Variants in ASAP2 observed in about 807,000 individuals in gnomAD.
ASAP2 encodes the protein arf-GAP with SH3 domain, ANK repeat and PH domain-containing protein 2.
Under a neutral mutation model 131.4 loss-of-function variants are expected in ASAP2, and 45 were observed. The ratio of observed to expected loss-of-function variants is 0.34; its 90% CI spans 0.27 to 0.44. ASAP2 has a LOEUF of 0.44. Among genes scored for constraint, ASAP2 ranks in the 20% least tolerant of loss-of-function variants. The probability of loss-of-function intolerance (pLI) is 1.00; values close to 1 mark genes in which losing one functional copy is unlikely to be tolerated. For synonymous variants in ASAP2, 510 were observed against 503.0 expected, an observed-to-expected ratio of 1.01 and a Z score of -0.19; for missense variants, 1,011 against 1,297.0, an observed-to-expected ratio of 0.78 and a Z score of 3.39.
intron 22 of ASAP2, among the ~76,000 whole-genome samples, chr2:9,390,567 G>T (rs1383302433): frequency 1.3e-5 from 2 of 152,228 alleles, no homozygotes; most frequent in African/African-American, 4.8e-5. Flanking sequence ...GTTTGCGGGA[G>T]GGAGGGAGAG....
At chr2:9,293,953 G>T (rs547447733) in intron 2 of ASAP2, among the ~76,000 whole-genome samples, 2 of 151,940 alleles carry the variant, frequency 1.3e-5, no homozygotes, top group African/African-American at 4.8e-5. Context: ...CCTTGGGGTT[G>T]CTGGGGATCA....
intron 1 of ASAP2, among the ~76,000 whole-genome samples, chr2:9,228,441 C>T (rs1208649111): frequency 6.6e-6 from 1 of 152,066 alleles, no homozygotes; most frequent in Non-Finnish European, 1.5e-5. Flanking sequence ...CCTGTTTTTT[C>T]GCATTCCTTT....
chr2:9,240,288 C>G (rs1663870568), intron 1 of ASAP2, among the ~76,000 whole-genome samples: 1 of 142,532 alleles, frequency 7.0e-6, no homozygotes, highest in Non-Finnish European at 1.5e-5. Flanking sequence ...GGGTCTCACT[C>G]TGTCACCCAG....
At position 9,323,259 on chromosome 2, in the gene ASAP2, G is replaced by T; in HGVS notation, c.600+9G>T. 6.2e-7 allele frequency: 1 copy of T among 1,614,092 alleles called. No homozygotes were observed. Among genetic ancestry groups the T allele is most frequent in the Non-Finnish European group, 8.5e-7 (1 of 1,179,964 alleles). On this transcript the variant is annotated intron_variant, in intron 6 of 27. Coordinates refer to ENST00000281419, the MANE Select transcript of ASAP2 (RefSeq NM_003887.3). ...AGCTACAGATGTGCGAGGTAAGGCG[G>T]TGGTGAAGGCAGGTCCTACAGCCCA...
At chr2:9,365,911 G>C (rs1401287915) in intron 15 of ASAP2, among the ~76,000 whole-genome samples, 1 of 152,042 alleles carries the variant, frequency 6.6e-6, no homozygotes, top group African/African-American at 2.4e-5. Context: ...GCTACCCTGG[G>C]TGATACAGAA....
At position 9,281,606 on chromosome 2, in the gene ASAP2, C is replaced by T. The variant is rs1234174098; in HGVS notation, c.199+2217C>T. ...AAACTCTATAGCATTTTTTCATCAC[C>T]CTCTTTGAAGTTCGTGGAAGTCAGT... is the stretch of plus-strand genomic sequence containing the variant. On this transcript the variant is annotated intron_variant, in intron 2 of 27. Transcript: ENST00000281419. The surrounding 1 kb of genome is among the most constrained non-coding windows in gnomAD (Gnocchi z 4.0). Among the ~76,000 whole-genome samples the T allele has an allele frequency of 6.6e-6, 1 of 152,102 alleles. No homozygotes were observed. Among genetic ancestry groups the T allele is most frequent in the East Asian group, 1.9e-4 (1 of 5,196 alleles).
rs2148009370 is a variant in ASAP2 at position 9,227,369 on chromosome 2, T to TC, written c.126+20140dup. 1.3e-5 allele frequency among the ~76,000 whole-genome samples: 2 copies of TC among 152,210 alleles called. 1 individual carries two copies. The highest frequency in any genetic ancestry group is 1.3e-4 in the Admixed American group (2 of 15,282). ...CAGTGTCGTTCAGCAGTGAGCCTCC[T>TC]CTAAAGCAAGTTCACCATTTACACG... On this transcript the variant is annotated intron_variant, in intron 1 of 27. Coordinates refer to ENST00000281419, the MANE Select transcript of ASAP2 (RefSeq NM_003887.3).
chr2:9,243,437 G>T (rs897389746), intron 1 of ASAP2, among the ~76,000 whole-genome samples: 7 of 152,090 alleles, frequency 4.6e-5, no homozygotes, highest in Admixed American at 2.0e-4. Context: ...GTGCATTTTT[G>T]TCCATAGATT....
At chr2:9,222,629 G>A (rs372652227) in intron 1 of ASAP2, among the ~76,000 whole-genome samples, 1 of 152,194 alleles carries the variant, frequency 6.6e-6, no homozygotes, top group Non-Finnish European at 1.5e-5. Context: ...GGAATGAGGT[G>A]TGTTTACTAC....
intron 7 of ASAP2, among the ~76,000 whole-genome samples, chr2:9,333,227 C>T (rs1670956833): frequency 6.6e-6 from 1 of 152,234 alleles, no homozygotes; most frequent in Non-Finnish European, 1.5e-5. Context: ...AAGTTGGTGA[C>T]AGTCCATCCT....
intron 1 of ASAP2, among the ~76,000 whole-genome samples, chr2:9,213,173 G>C (rs1261436750): frequency 6.6e-6 from 1 of 152,228 alleles, no homozygotes; most frequent in Non-Finnish European, 1.5e-5. Flanking sequence ...ATCAGGAAAA[G>C]CCTCTCTGCA....
intron 15 of ASAP2, among the ~76,000 whole-genome samples, chr2:9,367,727 A>G (rs1673589320): frequency 1.3e-5 from 2 of 152,240 alleles, no homozygotes; most frequent in Non-Finnish European, 2.9e-5. Context: ...ATGCCACTGC[A>G]CTTCGGCCTG....
chr2:9,338,754 G>A (rs949570994), intron 9 of ASAP2, among the ~76,000 whole-genome samples: 8 of 152,324 alleles, frequency 5.3e-5, no homozygotes, highest in Admixed American at 6.5e-5. Flanking sequence ...CAATTGGGGT[G>A]CAGTGTAATG....
rs1381170677 is a variant in ASAP2, at chr2:9,403,230, AC to A, written c.2947-21del. The A allele has an allele frequency of 2.5e-6, 4 of 1,609,898 alleles. No individual in the cohort carries two copies. The Admixed American group carries it at 6.7e-5, about 27-fold the overall frequency. On this transcript the variant is annotated intron_variant, in intron 27 of 27. Coordinates refer to ENST00000281419, the MANE Select transcript of ASAP2 (RefSeq NM_003887.3). ...ACCAACATTTGGAATTTTAATAACA[AC>A]CTACACTTTTCTCCATTTCAGATTG... is the stretch of plus-strand genomic sequence containing the variant.
rs540855129 is a variant in ASAP2 at position 9,365,219 on chromosome 2, G to C, written c.1462-3206G>C. ...TGTGCTCTTTGCTTTGGAGGCAGCA[G>C]TTTGGTCAAGCCCCTTCCCTTGTCT... On this transcript the variant is annotated intron_variant, in intron 15 of 27. Coordinates refer to ENST00000281419, the MANE Select transcript of ASAP2 (RefSeq NM_003887.3). Among the ~76,000 whole-genome samples, 9 of 152,324 alleles carry C rather than the reference G, an allele frequency of 5.9e-5. No homozygotes were observed. In the South Asian group the frequency reaches 1.4e-3, roughly 25 times the overall value.
intron 1 of ASAP2, among the ~76,000 whole-genome samples, chr2:9,208,356 G>A (rs1168916727): frequency 7.2e-6 from 1 of 138,178 alleles, no homozygotes; most frequent in African/African-American, 2.6e-5. Flanking sequence ...TGGGTGGGGG[G>A]GTGGGTGTCA....
At chr2:9,234,075 C>T (rs1002941894) in intron 1 of ASAP2, among the ~76,000 whole-genome samples, 10 of 141,030 alleles carry the variant, frequency 7.1e-5, no homozygotes, top group African/African-American at 2.7e-4. Context: ...CGCACCACTG[C>T]ACTCCAGCCT....
chr2:9,208,568 T>C (rs1661312507), intron 1 of ASAP2, among the ~76,000 whole-genome samples: 1 of 152,212 alleles, frequency 6.6e-6, no homozygotes. Context: ...TTCTGAATCC[T>C]GTTAATATAA....
At chr2:9,211,155 CAAA>C (rs70948809) in intron 1 of ASAP2, among the ~76,000 whole-genome samples, 48 of 129,146 alleles carry the variant, frequency 3.7e-4, no homozygotes, top group Non-Finnish European at 4.6e-4. Context: ...AACTGCGTCT[CAAA>C]AAAAAAAAAA....
Sources: gnomAD v4.1 joint callset for allele counts (sites outside exome capture counted in the v4.1 genomes callset) on GRCh38, gnomAD v4.1.1 for gene constraint, Gnocchi (gnomAD v3.1) non-coding constraint, MANE v1.5 for transcripts, NCBI Gene and HGNC (gene_info 2026-07-23, HGNC 2026-07-21) for gene names.